Variants in TBC1D32 observed in about 807,000 individuals in gnomAD.
TBC1D32 encodes the protein protein broad-minded.
Under a neutral mutation model 170.3 loss-of-function variants are expected in TBC1D32, and 151 were observed. The ratio of observed to expected loss-of-function variants is 0.89; its 90% CI spans 0.78 to 1.01. The LOEUF is 1.01. Ranked by LOEUF, TBC1D32 falls within the 50% of genes least tolerant of loss-of-function variation. TBC1D32 has a pLI of 0.00. For synonymous variants in TBC1D32, 498 were observed against 488.0 expected (o/e 1.02, Z -0.27); for missense variants, 1,464 against 1,457.1 (o/e 1.00, Z -0.08).
chr6:121,281,492 C>A lies in TBC1D32; in HGVS notation c.1608+52G>T, dbSNP rs1047573891. On this transcript the variant is annotated intron_variant, in intron 14 of 31. Transcript: ENST00000398212. ...TTAGAAATAAAGTCCCACTGAGTATCCACTAATACCCAGGTAAGAGACTCT... is the reference window on the plus strand; with the variant it reads ...TTAGAAATAAAGTCCCACTGAGTATACACTAATACCCAGGTAAGAGACTCT... 80 of 1,425,010 alleles carry A rather than the reference C, an allele frequency of 5.6e-5. 2 individuals are homozygous for A. The South Asian group carries it at 9.9e-4, about 18-fold the overall frequency. The allele number at this position is 1,425,010 out of a possible 1,614,324, so 88.3% of individuals were successfully genotyped here. A position where few individuals can be genotyped will look rare whatever the true frequency, so the allele number is the denominator to read the frequency against.
intron 24 of TBC1D32, among the ~76,000 whole-genome samples, chr6:121,144,460 G>A (rs897872317): frequency 6.6e-6 from 1 of 152,194 alleles, no homozygotes; most frequent in East Asian, 1.9e-4. Flanking sequence ...AAGATTTGCT[G>A]ACAGATTAGA....
In TBC1D32 at chr6:121,334,447, G is replaced by T. The variant is rs765623730; in HGVS notation, c.-17C>A. On this transcript the variant is annotated 5_prime_UTR_variant, in exon 1 of 32. Coordinates refer to ENST00000398212, the MANE Select transcript of TBC1D32 (RefSeq NM_152730.6). Reference sequence around the variant, plus strand: ...ATGGGCCATCCTGTTGGAATCAAACGTCCACTCTCATTACTCCAGGTCCGA... The same window carrying T: ...ATGGGCCATCCTGTTGGAATCAAACTTCCACTCTCATTACTCCAGGTCCGA... 17 of 1,609,662 alleles carry T rather than the reference G, an allele frequency of 1.1e-5. No individual in the cohort carries two copies. The highest frequency in any genetic ancestry group is 1.4e-5 in the Non-Finnish European group (17 of 1,177,728).
intron 22 of TBC1D32, among the ~76,000 whole-genome samples, chr6:121,200,898 C>T (rs1218943837): frequency 2.0e-5 from 3 of 151,224 alleles, no homozygotes; most frequent in Admixed American, 6.6e-5. Flanking sequence ...CTAACCTCCT[C>T]GGAGCATTAG....
At chr6:121,318,291 A>C (rs1286663250) in intron 2 of TBC1D32, among the ~76,000 whole-genome samples, 1 of 152,124 alleles carries the variant, frequency 6.6e-6, no homozygotes, top group Non-Finnish European at 1.5e-5. Context: ...GATAATATTT[A>C]AAATCTCTTT....
chr6:121,131,412 G>A (rs1306948151), intron 25 of TBC1D32, among the ~76,000 whole-genome samples: 1 of 151,278 alleles, frequency 6.6e-6, no homozygotes, highest in Non-Finnish European at 1.5e-5. Context: ...CACCAAGACT[G>A]TTTAGACAGT....
intron 29 of TBC1D32, among the ~76,000 whole-genome samples, chr6:121,108,240 G>A (rs1326292915): frequency 1.3e-5 from 2 of 152,024 alleles, no homozygotes; most frequent in African/African-American, 4.8e-5. Flanking sequence ...TAGATCAATA[G>A]TGAGAGCTCT....
At chr6:121,157,227 C>G (rs1045616644) in intron 24 of TBC1D32, among the ~76,000 whole-genome samples, 2 of 152,090 alleles carry the variant, frequency 1.3e-5, no homozygotes, top group East Asian at 1.9e-4. Context: ...ATAGCTAAGT[C>G]TTCTTGTTTA....
chr6:121,334,438 G>T lies in TBC1D32; in HGVS notation c.-8C>A. 2 of 1,611,890 alleles carry T rather than the reference G, an allele frequency of 1.2e-6. No individual in the cohort carries two copies. ...GCTGGAGAAATGGGCCATCCTGTTGGAATCAAACGTCCACTCTCATTACTC... is the reference window on the plus strand; with the variant it reads ...GCTGGAGAAATGGGCCATCCTGTTGTAATCAAACGTCCACTCTCATTACTC... On this transcript the variant is annotated 5_prime_UTR_variant, in exon 1 of 32. Coordinates refer to ENST00000398212, the MANE Select transcript of TBC1D32 (RefSeq NM_152730.6).
chr6:121,283,002 T>C (rs752626559), intron 13 of TBC1D32, among the ~76,000 whole-genome samples: 12 of 151,858 alleles, frequency 7.9e-5, no homozygotes, highest in Non-Finnish European at 1.6e-4. Flanking sequence ...ATGTGTCAGC[T>C]TGTTACATGG....
In TBC1D32 at chr6:121,303,754, C is replaced by G. The variant is rs754781417; in HGVS notation, c.943G>C (p.Glu315Gln). 59 of 1,531,908 alleles carry G rather than the reference C, an allele frequency of 3.9e-5. No individual in the cohort carries two copies. The highest frequency in any genetic ancestry group is 1.8e-4 in the Admixed American group (10 of 55,888). 94.9% of individuals were successfully genotyped at this position (1,531,908 alleles called of 1,614,324 possible). A position where few individuals can be genotyped will look rare whatever the true frequency, so the allele number is the denominator to read the frequency against. ...FWIRHPEKYM[E>Q]EIVESTLSLL... ...GACAAAGTACTCTCCACAATTTCTTCCATATACCTTAAAGTTTGGGAAAAA... is the reference window on the plus strand; with the variant it reads ...GACAAAGTACTCTCCACAATTTCTTGCATATACCTTAAAGTTTGGGAAAAA... Residue 315 changes from glutamate (E) to glutamine (Q), a missense_variant, in exon 9 of 32, where the codon GAA becomes CAA. Physicochemically the swap from Glu to Gln is conservative, Grantham distance 29 (BLOSUM62 2). This residue lies in a region of TBC1D32 where 1,363 missense variants were observed against 1,338.1 expected (regional missense o/e 1.02). Transcript: ENST00000398212.
At chr6:121,209,879 T>C (rs536149140) in intron 21 of TBC1D32, among the ~76,000 whole-genome samples, 2 of 152,326 alleles carry the variant, frequency 1.3e-5, no homozygotes, top group South Asian at 2.1e-4. Flanking sequence ...CCGTGCTTTT[T>C]CTGAAAGTTA....
chr6:121,252,839 G>GA (rs1281647840), intron 17 of TBC1D32, among the ~76,000 whole-genome samples: 2 of 151,946 alleles, frequency 1.3e-5, no homozygotes, highest in Non-Finnish European at 2.9e-5. Context: ...CAAAGCATAA[G>GA]AAAAAAACAT....
intron 11 of TBC1D32, among the ~76,000 whole-genome samples, chr6:121,293,605 G>A (rs546223063): frequency 3.3e-5 from 5 of 152,108 alleles, no homozygotes; most frequent in Non-Finnish European, 7.4e-5. Flanking sequence ...AAGCAGGGAG[G>A]CCTTGAAATT....
At chr6:121,280,593 A>G (rs775015918) in intron 14 of TBC1D32, among the ~76,000 whole-genome samples, 14 of 151,980 alleles carry the variant, frequency 9.2e-5, no homozygotes, top group Middle Eastern at 3.4e-3. Flanking sequence ...CTCTAGTCTA[A>G]AGGGGAATTT....
chr6:121,314,760 A>C (rs999570844), intron 3 of TBC1D32, among the ~76,000 whole-genome samples: 1 of 152,164 alleles, frequency 6.6e-6, no homozygotes, highest in African/African-American at 2.4e-5. Flanking sequence ...CTAATTTCCC[A>C]AGCAGTTAAA....
In TBC1D32 at chr6:121,259,767, G is replaced by A. The variant is rs1193126361; in HGVS notation, c.1734-3482C>T. Among the ~76,000 whole-genome samples, 3 of 152,142 alleles carry A rather than the reference G, an allele frequency of 2.0e-5. No homozygotes were observed. In the East Asian group the frequency reaches 5.8e-4, roughly 29 times the overall value. ...AACCTCTCAAAAAACTCAAGAATTG[G>A]TGGTAACAAATATCTCTAAATTGGG... On this transcript the variant is annotated intron_variant, in intron 15 of 31. Transcript: ENST00000398212.
At chr6:121,162,682 A>G (rs1165238697) in intron 22 of TBC1D32, among the ~76,000 whole-genome samples, 1 of 152,200 alleles carries the variant, frequency 6.6e-6, no homozygotes, top group African/African-American at 2.4e-5. Context: ...TCTTAAGCTG[A>G]CAAGCAAAGT....
intron 1 of TBC1D32, among the ~76,000 whole-genome samples, chr6:121,332,019 T>C (rs570533874): frequency 6.6e-6 from 1 of 152,338 alleles, no homozygotes; most frequent in Admixed American, 6.5e-5. Context: ...TAAATCTCTT[T>C]AGTAAATAGT....
chr6:121,284,166 A>G (rs1370598485), intron 12 of TBC1D32, among the ~76,000 whole-genome samples: 1 of 152,104 alleles, frequency 6.6e-6, no homozygotes, highest in Non-Finnish European at 1.5e-5. Flanking sequence ...CAATCACTTA[A>G]GATAAACCTA....
Sources: allele counts gnomAD v4.1 joint callset (sites outside exome capture counted in the v4.1 genomes callset), GRCh38; gene constraint gnomAD v4.1.1; regional missense constraint gnomAD v4.1.1; transcripts MANE v1.5; gene names NCBI Gene and HGNC (gene_info 2026-07-23, HGNC 2026-07-21).